The following VWA3B variants were observed in gnomAD, a reference collection of about 807,000 sequenced individuals.
The protein encoded by VWA3B is von Willebrand factor A domain-containing protein 3B.
In VWA3B, 138 loss-of-function variants were observed where a neutral mutation model predicts 158.3. The ratio of observed to expected loss-of-function variants is 0.87; its 90% CI spans 0.76 to 1.00. The LOEUF (loss-of-function observed/expected upper bound fraction) is 1.00. Among genes scored for constraint, VWA3B ranks in the 50% least tolerant of loss-of-function variants. The pLI, the probability that VWA3B is intolerant of heterozygous loss-of-function variation, is 0.00. For missense variants in VWA3B, 1,555 were observed against 1,565.1 expected (o/e 0.99, Z 0.11); for synonymous variants, 596 against 587.3 (o/e 1.01, Z -0.21).
intron 8 of VWA3B, among the ~76,000 whole-genome samples, chr2:98,179,572 C>T (rs928323686): frequency 2.0e-5 from 3 of 152,174 alleles, no homozygotes; most frequent in African/African-American, 7.2e-5. Flanking sequence ...GCGTGTTGAT[C>T]GCCTCCACCT....
chr2:98,256,286 C>T, intron 21 of VWA3B, 112 bp downstream of exon 21: 1 of 1,174,878 alleles, frequency 8.5e-7, no homozygotes, highest in Non-Finnish European at 1.2e-6. Context: ...TCAAAATGTT[C>T]TGCAAACCAC....
chr2:98,192,905 T>C lies in VWA3B; in HGVS notation c.1474T>C (p.Trp492Arg), dbSNP rs1487496019. 2 of 1,614,228 alleles carry C rather than the reference T, an allele frequency of 1.2e-6. No homozygotes were observed. The highest frequency in any genetic ancestry group is 1.7e-6 in the Non-Finnish European group (2 of 1,180,036). The change falls in exon 11 of 28, where the codon TGG becomes CGG. Residue 492 changes from tryptophan (W) to arginine (R), a missense_variant. Coordinates refer to ENST00000477737, the MANE Select transcript of VWA3B (RefSeq NM_144992.5). ...ALARIRRRIK[W>R]LQDGSQSLFG... ...AACCTACTTCCTGCCTAGGATTAAATGGCTACAGGATGGGAGTCAAAGCCT... is the reference window on the plus strand; with the variant it reads ...AACCTACTTCCTGCCTAGGATTAAACGGCTACAGGATGGGAGTCAAAGCCT...
At chr2:98,309,834 G>A (rs1421849174) in intron 26 of VWA3B, among the ~76,000 whole-genome samples, 4 of 152,090 alleles carry the variant, frequency 2.6e-5, no homozygotes, top group African/African-American at 4.8e-5. Flanking sequence ...AGCTCCCTCC[G>A]TCCCCTCTGG....
chr2:98,181,939 C>T (rs187966479), intron 9 of VWA3B, among the ~76,000 whole-genome samples: 2 of 152,248 alleles, frequency 1.3e-5, no homozygotes, highest in East Asian at 3.9e-4. Context: ...AGAACAGGAA[C>T]CAGAAGACAA....
Position 98,274,406 on chromosome 2 carries a change from A to G in VWA3B, c.3045+3523A>G, listed in dbSNP as rs931528037. Among the ~76,000 whole-genome samples, 40 of 152,214 alleles carry G rather than the reference A, an allele frequency of 2.6e-4. 1 individual carries two copies. The highest frequency in any genetic ancestry group is 2.9e-5 in the Non-Finnish European group (2 of 68,036). On this transcript the variant is annotated intron_variant, in intron 22 of 27. Transcript: ENST00000477737. ...AATACAACAGAGGCACCCCCAGAGA[A>G]CAATGGAAGATGGGGAAAAGTGACC...
chr2:98,122,713 G>T (rs532339380), intron 5 of VWA3B, among the ~76,000 whole-genome samples: 1 of 152,260 alleles, frequency 6.6e-6, no homozygotes, highest in Middle Eastern at 3.4e-3. Context: ...GCTGCCTGTG[G>T]CCCCCTGACC....
At chr2:98,199,492 T>C (rs942981580) in intron 12 of VWA3B, among the ~76,000 whole-genome samples, 3 of 152,198 alleles carry the variant, frequency 2.0e-5, no homozygotes, top group African/African-American at 7.2e-5. Flanking sequence ...CATTTTCTTG[T>C]ACTAGCTCCC....
chr2:98,237,477 A>G (rs542837715), intron 19 of VWA3B, among the ~76,000 whole-genome samples: 1 of 152,376 alleles, frequency 6.6e-6, no homozygotes, highest in South Asian at 2.1e-4. Context: ...AAGAACCACC[A>G]GATTGTCCTA....
chr2:98,225,376 G>A (rs12476408), intron 14 of VWA3B, among the ~76,000 whole-genome samples: 87,296 of 152,108 alleles, frequency 0.57, 25,503 homozygotes, highest in South Asian at 0.81. Flanking sequence ...ATCAATTGAT[G>A]CAGAAAAAGC....
chr2:98,294,336 G>A (rs934564309), intron 23 of VWA3B, among the ~76,000 whole-genome samples: 4 of 151,504 alleles, frequency 2.6e-5, no homozygotes, highest in Admixed American at 6.6e-5. Context: ...AAAAAAAACA[G>A]CTCACTTAAA....
intron 7 of VWA3B, among the ~76,000 whole-genome samples, chr2:98,156,937 T>C (rs1678133026): frequency 6.6e-6 from 1 of 152,156 alleles, no homozygotes; most frequent in Non-Finnish European, 1.5e-5. Flanking sequence ...CTCACCAAGT[T>C]TGGGGGAGCA....
At chr2:98,136,749 A>G (rs1036269644) in intron 7 of VWA3B, among the ~76,000 whole-genome samples, 21 of 152,148 alleles carry the variant, frequency 1.4e-4, no homozygotes, top group African/African-American at 4.8e-4. Context: ...TTAGGTTCCA[A>G]TGTATGAATT....
intron 2 of VWA3B, among the ~76,000 whole-genome samples, chr2:98,112,282 G>T (rs1674190957): frequency 3.1e-5 from 1 of 32,512 alleles, no homozygotes; most frequent in Non-Finnish European, 5.7e-5. Flanking sequence ...TCTGTTTGGG[G>T]TGTGTGTGTG....
intron 19 of VWA3B, among the ~76,000 whole-genome samples, chr2:98,249,360 G>A (rs371788056): frequency 1.3e-5 from 2 of 152,020 alleles, no homozygotes; most frequent in Non-Finnish European, 2.9e-5. Context: ...TATGCAAATA[G>A]GTAAACATAA....
At chr2:98,103,848 T>C (rs919119329) in intron 2 of VWA3B, among the ~76,000 whole-genome samples, 2 of 152,206 alleles carry the variant, frequency 1.3e-5, no homozygotes, top group Non-Finnish European at 2.9e-5. Flanking sequence ...GATTTGTTCA[T>C]TTCTCCCTTA....
intron 7 of VWA3B, among the ~76,000 whole-genome samples, chr2:98,153,361 T>C (rs184663916): frequency 3.6e-4 from 55 of 152,362 alleles, no homozygotes; most frequent in African/African-American, 1.3e-3. Flanking sequence ...ACCAGTATTA[T>C]TCTTAAGTCC....
At chr2:98,259,095 C>T (rs1463306574) in intron 21 of VWA3B, among the ~76,000 whole-genome samples, 1 of 151,740 alleles carries the variant, frequency 6.6e-6, no homozygotes, top group African/African-American at 2.4e-5. Flanking sequence ...TTGAACCACT[C>T]CTGCATTTCT....
intron 22 of VWA3B, among the ~76,000 whole-genome samples, chr2:98,280,087 G>A (rs558913586): frequency 1.3e-5 from 2 of 152,290 alleles, no homozygotes; most frequent in South Asian, 2.1e-4. Flanking sequence ...CCGGAGTAGC[G>A]GGAAATGAAT....
At chr2:98,120,051 A>C (rs1320566994) in intron 4 of VWA3B, among the ~76,000 whole-genome samples, 1 of 152,186 alleles carries the variant, frequency 6.6e-6, no homozygotes, top group Non-Finnish European at 1.5e-5. Context: ...AGTTATGGCA[A>C]ATATATATTT....
Sources: gnomAD v4.1 joint callset for allele counts (sites outside exome capture counted in the v4.1 genomes callset) on GRCh38, gnomAD v4.1.1 for gene constraint, MANE v1.5 for transcripts, NCBI Gene and HGNC (gene_info 2026-07-23, HGNC 2026-07-21) for gene names.